Variants in DAPK2 observed in about 807,000 individuals in gnomAD.
DAPK2 encodes the protein death-associated protein kinase 2.
DAPK2 carries 35 observed loss-of-function variants against 44.1 expected under a neutral mutation model. The ratio of observed to expected loss-of-function variants is 0.79; its 90% CI spans 0.61 to 1.05. The LOEUF (loss-of-function observed/expected upper bound fraction) is 1.05. DAPK2 is among the 50% of genes least tolerant of loss of function. The probability of loss-of-function intolerance (pLI) is 0.00; values close to 1 mark genes in which losing one functional copy is unlikely to be tolerated. For synonymous variants in DAPK2, 174 were observed against 182.6 expected (o/e 0.95, Z 0.38); for missense variants, 453 against 483.2 (o/e 0.94, Z 0.59).
intron 1 of DAPK2, among the ~76,000 whole-genome samples, chr15:64,036,353 A>ATT (rs1253980981): frequency 7.2e-6 from 1 of 138,354 alleles, no homozygotes; most frequent in East Asian, 2.2e-4. Context: ...ATATATATAT[A>ATT]TTTTAGTTAA....
In DAPK2 at chr15:63,939,274, C is replaced by T; in HGVS notation, c.541G>A (p.Gly181Arg). The T allele has an allele frequency of 6.2e-7, 1 of 1,613,954 alleles. No homozygotes were observed. Among genetic ancestry groups the T allele is most frequent in the Non-Finnish European group, 8.5e-7 (1 of 1,179,982 alleles). The change falls in exon 4 of 11, where the codon GGA (glycine) becomes AGA (arginine). Residue 181 changes from glycine (G) to arginine (R), a missense_variant. By Grantham distance (125) the Gly-to-Arg change is moderately radical (BLOSUM62 -2). Coordinates refer to ENST00000261891, the Ensembl canonical transcript of DAPK2. This position sits in a 1 kb window ranked among gnomAD's most constrained non-coding sequence, Gnocchi z 4.3. Reference sequence around the variant, plus strand: ...CCAAAAATATTCTTAAATTCAACTCCATCTTCTATTTCGTGAGCCAGACCA... The same window carrying T: ...CCAAAAATATTCTTAAATTCAACTCTATCTTCTATTTCGTGAGCCAGACCA...
chr15:63,941,947 G>C (rs946520939), intron 3 of DAPK2, among the ~76,000 whole-genome samples: 2 of 152,188 alleles, frequency 1.3e-5, no homozygotes, highest in African/African-American at 4.8e-5. Context: ...CTCCCAGGCA[G>C]GCAGTTTCAC....
chr15:64,039,145 C>A (rs532959812), intron 1 of DAPK2, among the ~76,000 whole-genome samples: 1 of 152,194 alleles, frequency 6.6e-6, no homozygotes, highest in Non-Finnish European at 1.5e-5. Flanking sequence ...GGTCCTGAGG[C>A]TGTCATGGGC....
chr15:63,998,740 TTCTG>T (rs1397897281), intron 1 of DAPK2, among the ~76,000 whole-genome samples: 2 of 152,226 alleles, frequency 1.3e-5, no homozygotes, highest in Non-Finnish European at 2.9e-5. Context: ...CCCTGCACTG[TTCTG>T]TCTACTTCCC....
At chr15:64,040,429 G>T (rs1245412714), upstream of DAPK2, among the ~76,000 whole-genome samples, 2 of 152,048 alleles carry the variant, frequency 1.3e-5, no homozygotes, top group Non-Finnish European at 2.9e-5. Context: ...TTTCTCACCT[G>T]CAGCTGATGA....
chr15:64,016,790 G>T (rs2079537272), intron 1 of DAPK2, among the ~76,000 whole-genome samples: 1 of 148,258 alleles, frequency 6.7e-6, no homozygotes, highest in Non-Finnish European at 1.5e-5. Context: ...AGAAAGAAAG[G>T]AGGAAAGAAA....
chr15:63,972,223 G>A (rs966091624), intron 2 of DAPK2, among the ~76,000 whole-genome samples: 3 of 152,190 alleles, frequency 2.0e-5, no homozygotes, highest in Admixed American at 2.0e-4. Flanking sequence ...TTATACAGCA[G>A]CCTGAATGAA....
chr15:64,013,002 T>C lies in DAPK2; in HGVS notation c.92+27168A>G, dbSNP rs1441009909. Among the ~76,000 whole-genome samples, 2 of 152,202 alleles carry C rather than the reference T, an allele frequency of 1.3e-5. No homozygotes were observed. Among genetic ancestry groups the C allele is most frequent in the East Asian group, 1.9e-4 (1 of 5,204 alleles). ...TGGGATATAAATTGTATCTTCGATA[T>C]GATCATAATGTCAAACAGACAAGAA... On this transcript the variant is annotated intron_variant, in intron 1 of 10. Transcript: ENST00000261891. This position sits in a 1 kb window ranked among gnomAD's most constrained non-coding sequence, Gnocchi z 4.7.
chr15:64,033,378 G>A (rs113534608), intron 1 of DAPK2, among the ~76,000 whole-genome samples: 29,545 of 150,252 alleles, frequency 0.2, 3,057 homozygotes, highest in South Asian at 0.24. Context: ...CACCCGCCTC[G>A]GCCTCCGAAA....
chr15:63,978,662 A>T (rs4776700), intron 2 of DAPK2, among the ~76,000 whole-genome samples: 82,105 of 151,960 alleles, frequency 0.54, 22,841 homozygotes, highest in East Asian at 0.96. Flanking sequence ...TTTCAAAGCC[A>T]AACCAAGGAG....
chr15:64,015,576 G>A (rs1241686383), intron 1 of DAPK2, among the ~76,000 whole-genome samples: 2 of 152,192 alleles, frequency 1.3e-5, no homozygotes, highest in African/African-American at 4.8e-5. Context: ...ATGTGACCAT[G>A]ACCTCATTTG....
chr15:63,949,405 T>C (rs79418502), intron 3 of DAPK2, among the ~76,000 whole-genome samples: 3,363 of 152,322 alleles, frequency 0.022, 67 homozygotes, highest in Non-Finnish European at 0.03. Context: ...GCACACTGGC[T>C]TTATGGTCTG....
At chr15:63,982,957 C>A (rs1186660111) in intron 2 of DAPK2, among the ~76,000 whole-genome samples, 1 of 152,200 alleles carries the variant, frequency 6.6e-6, no homozygotes, top group Non-Finnish European at 1.5e-5. Context: ...AAAGATTGAA[C>A]AAGACGACAG....
intron 1 of DAPK2, among the ~76,000 whole-genome samples, chr15:64,031,680 T>C (rs1293651994): frequency 2.6e-5 from 4 of 152,238 alleles, no homozygotes; most frequent in African/African-American, 9.6e-5. Context: ...CTGGCTTTTA[T>C]TTCCGACATT....
At chr15:63,935,901 G>A (rs2077131838) in intron 4 of DAPK2, 1 of 152,114 alleles carries the variant, frequency 6.6e-6, no homozygotes, top group Admixed American at 6.5e-5. Context: ...ACAATCTGCT[G>A]TTTAACCCAT....
At chr15:64,040,923 A>T (rs2080339714), upstream of DAPK2, among the ~76,000 whole-genome samples, 1 of 142,882 alleles carries the variant, frequency 7.0e-6, no homozygotes, top group Non-Finnish European at 1.5e-5. Flanking sequence ...AAAAAAAAGC[A>T]CTAGCTTTAA....
In DAPK2 at chr15:63,999,310, C is replaced by T. The variant is rs113833873; in HGVS notation, c.93-15556G>A. Among the ~76,000 whole-genome samples the T allele has an allele frequency of 2.2e-3, 341 of 152,342 alleles. 3 individuals are homozygous for T. The highest frequency in any genetic ancestry group is 7.7e-3 in the African/African-American group (321 of 41,572). ...GCCAGGCATCAGACCCGAGCCTTTC[C>T]AGGGCACGTGGGGACTGGGAGGACA... On this transcript the variant is annotated intron_variant, in intron 1 of 10. Transcript: ENST00000261891.
intron 1 of DAPK2, among the ~76,000 whole-genome samples, chr15:64,007,071 C>T (rs577119490): frequency 1.3e-5 from 2 of 152,178 alleles, no homozygotes; most frequent in South Asian, 4.1e-4. Flanking sequence ...GATCTTTCCA[C>T]CTCAGCCTCC....
upstream of DAPK2, chr15:64,046,391 A>AGCGGCGGGC (rs2080469314): frequency 4.6e-6 from 1 of 219,668 alleles, no homozygotes; most frequent in African/African-American, 2.8e-5. This position sits in a 1 kb window ranked among gnomAD's most constrained non-coding sequence, Gnocchi z 5.3. Flanking sequence ...GCGCGGCGGG[A>AGCGGCGGGC]ACGGGGGACG....
Sources: allele counts gnomAD v4.1 joint callset (sites outside exome capture counted in the v4.1 genomes callset), GRCh38; gene constraint gnomAD v4.1.1; non-coding constraint Gnocchi (gnomAD v3.1); transcripts MANE v1.5; gene names NCBI Gene and HGNC (gene_info 2026-07-23, HGNC 2026-07-21).